ANKIB1: variants seen among roughly 807,000 people sequenced by gnomAD.
ANKIB1 encodes ankyrin repeat and IBR domain-containing protein 1.
A neutral mutation model predicts 122.1 loss-of-function variants in ANKIB1; 43 were observed. The observed-to-expected ratio is 0.35, with a 90% CI of 0.28 to 0.45. The LOEUF (loss-of-function observed/expected upper bound fraction) is 0.45, where lower values mean the gene tolerates loss of function less well. Ranked by LOEUF, ANKIB1 falls within the 20% of genes least tolerant of loss-of-function variation. ANKIB1 has a pLI of 1.00. For synonymous variants in ANKIB1, 390 were observed against 442.0 expected (o/e 0.88, Z 1.48); for missense variants, 992 against 1,329.5 (o/e 0.75, Z 3.95).
intron 4 of ANKIB1, among the ~76,000 whole-genome samples, chr7:92,326,966 A>G (rs950844718): frequency 5.3e-5 from 8 of 152,174 alleles, no homozygotes; most frequent in African/African-American, 1.9e-4. Context: ...GCATTCACCA[A>G]GTTCTGCTCC....
chr7:92,380,662 G>C (rs867227965), intron 11 of ANKIB1, among the ~76,000 whole-genome samples: 1 of 152,130 alleles, frequency 6.6e-6, no homozygotes, highest in African/African-American at 2.4e-5. Flanking sequence ...CTGCAGCTGA[G>C]GGTCCTGTTA....
chr7:92,374,878 GA>G (rs113565806), intron 11 of ANKIB1, among the ~76,000 whole-genome samples: 15,000 of 144,778 alleles, frequency 0.1, 917 homozygotes, highest in East Asian at 0.36. Flanking sequence ...ACATAATCAA[GA>G]AAAAAAAAAT....
rs568856423 is a variant in ANKIB1, at chr7:92,255,969, TAACTC to T, written c.-91+9453_-91+9457del. Reference sequence around the variant, plus strand: ...TCTCATCCTTAAAGAGTTTACCAGATAACTCAAGAAGCAGATAAACATTTAATTAT... The same window carrying T: ...TCTCATCCTTAAAGAGTTTACCAGATAAGAAGCAGATAAACATTTAATTAT... On this transcript the variant is annotated intron_variant, in intron 1 of 19. Transcript: ENST00000265742. 5.1e-3 allele frequency among the ~76,000 whole-genome samples: 775 copies of T among 152,328 alleles called. 11 individuals carry two copies. The highest frequency in any genetic ancestry group is 5.7e-3 in the Non-Finnish European group (388 of 68,030).
chr7:92,263,788 T>TA (rs1801611508), intron 1 of ANKIB1, among the ~76,000 whole-genome samples: 1 of 152,218 alleles, frequency 6.6e-6, no homozygotes, highest in Non-Finnish European at 1.5e-5. Flanking sequence ...TGTTCAGTGT[T>TA]ACACTGTTGC....
chr7:92,335,696 C>T (rs770085843), intron 5 of ANKIB1, among the ~76,000 whole-genome samples: 27 of 151,724 alleles, frequency 1.8e-4, no homozygotes, highest in Non-Finnish European at 3.1e-4. Flanking sequence ...ATTTGAATAT[C>T]TTGTAAATAG....
intron 5 of ANKIB1, among the ~76,000 whole-genome samples, chr7:92,339,370 C>T (rs1233117848): frequency 1.3e-5 from 2 of 152,110 alleles, no homozygotes; most frequent in African/African-American, 4.8e-5. Flanking sequence ...GCTTATGAAA[C>T]CATGTGAACC....
intron 11 of ANKIB1, among the ~76,000 whole-genome samples, chr7:92,375,013 A>G (rs1804350499): frequency 6.7e-6 from 1 of 150,192 alleles, no homozygotes; most frequent in Admixed American, 6.6e-5. Flanking sequence ...GTAAATCACA[A>G]TTTTTTTGTT....
chr7:92,276,350 A>C (rs1801904077), intron 1 of ANKIB1, among the ~76,000 whole-genome samples: 3 of 152,226 alleles, frequency 2.0e-5, no homozygotes, highest in Non-Finnish European at 4.4e-5. Flanking sequence ...ACAGACACAG[A>C]CACTGTATAT....
rs551652095 is a variant in ANKIB1 at position 92,302,099 on chromosome 7, A to G, written c.189-5260A>G. Among the ~76,000 whole-genome samples the G allele has an allele frequency of 1.5e-4, 23 of 152,022 alleles. No homozygotes were observed. The South Asian group carries it at 4.8e-3, about 32-fold the overall frequency. On this transcript the variant is annotated intron_variant, in intron 2 of 19. Transcript: ENST00000265742. ...CAGGTGCCTGCCACCACCCCTAGCTAATTTTTGTATTTTTAGTAGAGATGT... is the reference window on the plus strand; with the variant it reads ...CAGGTGCCTGCCACCACCCCTAGCTGATTTTTGTATTTTTAGTAGAGATGT...
intron 1 of ANKIB1, among the ~76,000 whole-genome samples, chr7:92,276,024 A>G (rs1801896152): frequency 6.6e-6 from 1 of 152,168 alleles, no homozygotes; most frequent in Non-Finnish European, 1.5e-5. Flanking sequence ...ATCTACATCT[A>G]TATATAATAA....
intron 10 of ANKIB1, among the ~76,000 whole-genome samples, chr7:92,366,088 G>A (rs1327114606): frequency 6.6e-6 from 1 of 152,066 alleles, no homozygotes; most frequent in Non-Finnish European, 1.5e-5. Context: ...ATCTTAAGTA[G>A]TAAATCTTGT....
chr7:92,395,903 A>G (rs1804881763), intron 17 of ANKIB1: 1 of 166,720 alleles, frequency 6.0e-6, no homozygotes, highest in Admixed American at 6.3e-5. Context: ...AATCCCAGCT[A>G]CTTAGGAGGC....
At chr7:92,325,679 G>A (rs1803011896) in intron 4 of ANKIB1, among the ~76,000 whole-genome samples, 1 of 151,312 alleles carries the variant, frequency 6.6e-6, no homozygotes, top group South Asian at 2.1e-4. Flanking sequence ...CAATAGGGAG[G>A]GGAGGCTATT....
chr7:92,360,751 T>C (rs1803923749), intron 9 of ANKIB1, among the ~76,000 whole-genome samples: 1 of 152,248 alleles, frequency 6.6e-6, no homozygotes, highest in Non-Finnish European at 1.5e-5. Context: ...ATTTATGTTT[T>C]TTAATAATCA....
At chr7:92,288,677 T>C (rs908101799) in intron 1 of ANKIB1, among the ~76,000 whole-genome samples, 10 of 152,180 alleles carry the variant, frequency 6.6e-5, no homozygotes, top group African/African-American at 2.4e-4. Context: ...TTCAATAATA[T>C]TTCATCTTAA....
At chr7:92,371,950 GGTGTGTGTGTGTGTGTGTGTGTGT>G (rs55936298) in intron 11 of ANKIB1, among the ~76,000 whole-genome samples, 112 of 118,150 alleles carry the variant, frequency 9.5e-4, no homozygotes, top group African/African-American at 1.7e-3. Context: ...TTGAGAGAGG[GGTGTGTGTGTGTGTGTGTGTGTGT>G]GTGTGTGTGT....
chr7:92,313,503 T>C (rs1046893355), intron 3 of ANKIB1, among the ~76,000 whole-genome samples: 3 of 152,226 alleles, frequency 2.0e-5, no homozygotes, highest in Admixed American at 6.5e-5. Context: ...AAGATACTTA[T>C]GATCTCATTA....
intron 1 of ANKIB1, among the ~76,000 whole-genome samples, chr7:92,253,971 A>C (rs188369490): frequency 2.0e-3 from 301 of 152,286 alleles, no homozygotes; most frequent in African/African-American, 6.8e-3. Flanking sequence ...GTGATCTATG[A>C]GTTCAGGAAC....
intron 8 of ANKIB1, among the ~76,000 whole-genome samples, chr7:92,351,720 G>GTTTTTTTTT (rs1018424517): frequency 1.7e-5 from 2 of 116,642 alleles, no homozygotes; most frequent in Non-Finnish European, 3.6e-5. Context: ...TTTTTTTTTT[G>GTTTTTTTTT]TTTTTTTTTT....
Sources: allele counts gnomAD v4.1 joint callset (sites outside exome capture counted in the v4.1 genomes callset), GRCh38; gene constraint gnomAD v4.1.1; transcripts MANE v1.5; gene names NCBI Gene and HGNC (gene_info 2026-07-23, HGNC 2026-07-21).